ZFYVE21: variants seen among roughly 807,000 people sequenced by gnomAD.
The protein encoded by ZFYVE21 is zinc finger FYVE-type containing 21.
A neutral mutation model predicts 29.5 loss-of-function variants in ZFYVE21; 21 were observed. That is an observed-to-expected ratio of 0.71 (90% CI 0.50 to 1.02). The LOEUF is 1.02. Ranked by LOEUF, ZFYVE21 falls within the 50% of genes least tolerant of loss-of-function variation. ZFYVE21 has a pLI of 0.00. For synonymous variants in ZFYVE21, 151 were observed against 133.8 expected, an observed-to-expected ratio of 1.13 and a Z score of -0.89; for missense variants, 326 against 335.4, an observed-to-expected ratio of 0.97 and a Z score of 0.22.
chr14:103,716,037 C>G lies in ZFYVE21; in HGVS notation c.138+58C>G. The G allele has an allele frequency of 8.5e-7, 1 of 1,178,130 alleles. No individual in the cohort carries two copies. The highest frequency in any genetic ancestry group is 1.1e-6 in the Non-Finnish European group (1 of 951,592). The allele number at this position is 1,178,130 out of a possible 1,614,324, so 73.0% of individuals were successfully genotyped here. On this transcript the variant is annotated intron_variant, in intron 1 of 6. Transcript: ENST00000311141. The surrounding 1 kb of genome is among the most constrained non-coding windows in gnomAD (Gnocchi z 4.8). ...ACCCGCCCCGCCGCCCCGGCCCGGC[C>G]CCGCGGGCTTCCAGGCTCCCGCGAC...
At chr14:103,723,708 G>A (rs544033254) in intron 1 of ZFYVE21, among the ~76,000 whole-genome samples, 2 of 152,344 alleles carry the variant, frequency 1.3e-5, no homozygotes, top group East Asian at 3.9e-4. Flanking sequence ...ACACGTGGCT[G>A]TGGGCCCCAT....
At chr14:103,718,712 A>C (rs2083848890) in intron 1 of ZFYVE21, among the ~76,000 whole-genome samples, 1 of 152,224 alleles carries the variant, frequency 6.6e-6, no homozygotes, top group Non-Finnish European at 1.5e-5. Flanking sequence ...TGTCACAAGC[A>C]GCTGAGATCC....
intron 1 of ZFYVE21, among the ~76,000 whole-genome samples, chr14:103,718,723 T>G (rs2083848949): frequency 6.6e-6 from 1 of 152,204 alleles, no homozygotes; most frequent in African/African-American, 2.4e-5. Flanking sequence ...GCTGAGATCC[T>G]GAGTTTTATC....
intron 1 of ZFYVE21, among the ~76,000 whole-genome samples, chr14:103,721,874 A>C (rs1287489109): frequency 6.6e-6 from 1 of 152,244 alleles, no homozygotes; most frequent in African/African-American, 2.4e-5. Flanking sequence ...GCTCCAGCCC[A>C]CGCTGGTGGT....
At position 103,727,842 on chromosome 14, in the gene ZFYVE21, T is replaced by G; in HGVS notation, c.286T>G (p.Cys96Gly). 1 of 1,613,244 alleles carries G rather than the reference T, an allele frequency of 6.2e-7. No homozygotes were observed. Among genetic ancestry groups the G allele is most frequent in the Non-Finnish European group, 8.5e-7 (1 of 1,179,920 alleles). Residue 96 changes from cysteine (C) to glycine (G), a missense_variant, in exon 3 of 7, where the codon TGC becomes GGC. Transcript: ENST00000311141. ...GTGCTTTGTGGACCCCGTGCGGCAGTGCGCGGAGTGCGCCCTCGTGTCCCT... is the reference window on the plus strand; with the variant it reads ...GTGCTTTGTGGACCCCGTGCGGCAGGGCGCGGAGTGCGCCCTCGTGTCCCT... ...RMCFVDPVRQ[C>G]AECALVSLKE...
rs1416880089 is a variant in ZFYVE21, at chr14:103,715,897, G to T, written c.56G>T (p.Ser19Ile). The T allele has an allele frequency of 6.9e-7, 1 of 1,439,902 alleles. No homozygotes were observed. 89.2% of individuals were successfully genotyped at this position (1,439,902 alleles called of 1,614,324 possible). The change falls in exon 1 of 7, where the codon AGC (serine) becomes ATC (isoleucine). Residue 19 changes from serine to isoleucine, a missense_variant. Ser to Ile is a moderately radical substitution (Grantham distance 142). Coordinates refer to ENST00000311141, the MANE Select transcript of ZFYVE21 (RefSeq NM_024071.4). ...RDAKKLVRSP[S>I]GLRMVPEHRA... Reference sequence around the variant, plus strand: ...GCCAAGAAGCTGGTGCGCTCCCCGAGCGGCCTGCGCATGGTGCCCGAACAC... The same window carrying T: ...GCCAAGAAGCTGGTGCGCTCCCCGATCGGCCTGCGCATGGTGCCCGAACAC...
In ZFYVE21 at chr14:103,715,963, G is replaced by A; in HGVS notation, c.122G>A (p.Trp41Ter). The A allele has an allele frequency of 7.2e-7, 1 of 1,397,210 alleles. No individual in the cohort carries two copies. The highest frequency in any genetic ancestry group is 1.4e-5 in the South Asian group (1 of 69,676). 86.6% of individuals were successfully genotyped at this position (1,397,210 alleles called of 1,614,324 possible). ...CCGTTCGGCCTGGAGGAGCCGCAGT[G>A]GGTCCCGGACAAGGAGGTGGGTGGC... ...GSPFGLEEPQ[W>*]VPDKECRRCM... The change falls in exon 1 of 7, where the codon TGG (tryptophan) becomes TAG (stop). Residue 41 changes from tryptophan (W) to a stop codon, truncating the protein, a stop_gained. Transcript: ENST00000311141. LOFTEE classifies it high-confidence loss of function.
intron 1 of ZFYVE21, among the ~76,000 whole-genome samples, chr14:103,722,206 T>G (rs1471937333): frequency 6.6e-6 from 1 of 152,358 alleles, no homozygotes; most frequent in Middle Eastern, 3.4e-3. Flanking sequence ...TGTTGATAAT[T>G]TTTTAAATTT....
chr14:103,720,342 G>C (rs2083862383), intron 1 of ZFYVE21, among the ~76,000 whole-genome samples: 1 of 152,156 alleles, frequency 6.6e-6, no homozygotes, highest in Non-Finnish European at 1.5e-5. Context: ...TTTCAATAAA[G>C]GTGCATTGAT....
At chr14:103,727,711 C>G in intron 2 of ZFYVE21, 35 bp from the exon 3 acceptor site, 1 of 1,595,868 alleles carries the variant, frequency 6.3e-7, no homozygotes, top group Non-Finnish European at 8.5e-7. Flanking sequence ...TGTTCCCTGC[C>G]CCTCCTCACT....
chr14:103,723,610 C>T (rs149150234), intron 1 of ZFYVE21, among the ~76,000 whole-genome samples: 7 of 152,322 alleles, frequency 4.6e-5, no homozygotes, highest in South Asian at 2.1e-4. Flanking sequence ...GTGTGGGTCG[C>T]GACGGGCCAG....
chr14:103,717,997 G>A (rs887469424), intron 1 of ZFYVE21, among the ~76,000 whole-genome samples: 9 of 152,212 alleles, frequency 5.9e-5, no homozygotes, highest in African/African-American at 1.9e-4. Flanking sequence ...GGTAACAGTC[G>A]CCTGGCATGT....
intron 1 of ZFYVE21, among the ~76,000 whole-genome samples, chr14:103,721,704 T>C (rs554262164): frequency 2.7e-4 from 41 of 152,388 alleles, no homozygotes; most frequent in Non-Finnish European, 1.6e-4. Flanking sequence ...TCTTCATCTC[T>C]GTGTGTTTGT....
At chr14:103,729,725 T>C in intron 5 of ZFYVE21, 1 of 1,523,592 alleles carries the variant, frequency 6.6e-7, no homozygotes, top group Non-Finnish European at 8.8e-7. Context: ...CATGTTGCTT[T>C]CCTTCCGTTC....
At chr14:103,729,413 C>T (rs2083955638) in intron 5 of ZFYVE21, 1 of 580,942 alleles carries the variant, frequency 1.7e-6, no homozygotes. Flanking sequence ...ACATTTGCCT[C>T]AGCATGTCAT....
rs571414009 is a variant in ZFYVE21, at chr14:103,733,633, A to G, written c.*615A>G. The G allele has an allele frequency of 6.5e-6, 1 of 152,864 alleles. No individual in the cohort carries two copies. Among genetic ancestry groups the G allele is most frequent in the East Asian group, 1.9e-4 (1 of 5,188 alleles). 9.5% of individuals were successfully genotyped at this position (152,864 alleles called of 1,614,324 possible). A position where few individuals can be genotyped will look rare whatever the true frequency, so the allele number is the denominator to read the frequency against. ...GATGACTGTACAGCAATTTGTATAT[A>G]AAGCTTATGATTAAAAACTATTTTG... On this transcript the variant is annotated 3_prime_UTR_variant, in exon 7 of 7. Transcript: ENST00000311141.
chr14:103,715,986 G>A lies in ZFYVE21; in HGVS notation c.138+7G>A. On this transcript the variant is annotated splice_region_variant and intron_variant, in intron 1 of 6. Transcript: ENST00000311141. ...GTGGGTCCCGGACAAGGAGGTGGGT[G>A]GCCGTCGCCCCGGCCAGCGCCTCCG... is the stretch of plus-strand genomic sequence containing the variant. The A allele has an allele frequency of 1.6e-6, 2 of 1,280,420 alleles. No homozygotes were observed. The highest frequency in any genetic ancestry group is 1.6e-5 in the African/African-American group (1 of 64,118). 79.3% of individuals were successfully genotyped at this position (1,280,420 alleles called of 1,614,324 possible).
Position 103,729,382 on chromosome 14 carries a change from A to C in ZFYVE21, c.526+200A>C, listed in dbSNP as rs957341418. 6 of 596,612 alleles carry C rather than the reference A, an allele frequency of 1.0e-5. No homozygotes were observed. The Admixed American group carries it at 1.5e-4, about 15-fold the overall frequency. 37.0% of individuals were successfully genotyped at this position (596,612 alleles called of 1,614,324 possible). A position where few individuals can be genotyped will look rare whatever the true frequency, so the allele number is the denominator to read the frequency against. On this transcript the variant is annotated intron_variant, in intron 5 of 6. Coordinates refer to ENST00000311141, the MANE Select transcript of ZFYVE21 (RefSeq NM_024071.4). ...GAACTCGCCAGGTGAGTGGAGACTT[A>C]AACTGTAAGACAACAAAGGGACATT...
In ZFYVE21 at chr14:103,715,851, G is replaced by A; in HGVS notation, c.10G>A (p.Glu4Lys). The A allele has an allele frequency of 7.0e-7, 1 of 1,420,052 alleles. No homozygotes were observed. Among genetic ancestry groups the A allele is most frequent in the African/African-American group, 1.5e-5 (1 of 66,800 alleles). 88.0% of individuals were successfully genotyped at this position (1,420,052 alleles called of 1,614,324 possible). The part of the protein sequence containing the change: MSS[E>K]VSARRDAKKL... Reference sequence around the variant, plus strand: ...AGGCTGAGGCGGCGTCATGTCCTCCGAGGTGTCCGCGCGCCGCGACGCCAA... The same window carrying A: ...AGGCTGAGGCGGCGTCATGTCCTCCAAGGTGTCCGCGCGCCGCGACGCCAA... Residue 4 changes from glutamate (E) to lysine (K), a missense_variant, in exon 1 of 7, where the codon GAG (glutamate) becomes AAG (lysine). Glu to Lys is a moderately conservative substitution (Grantham distance 56). Transcript: ENST00000311141.
Sources: gnomAD v4.1 joint callset for allele counts (sites outside exome capture counted in the v4.1 genomes callset) on GRCh38, gnomAD v4.1.1 for gene constraint, Gnocchi (gnomAD v3.1) non-coding constraint, MANE v1.5 for transcripts, NCBI Gene and HGNC (gene_info 2026-07-23, HGNC 2026-07-21) for gene names.